The following SMOX variants were observed in gnomAD, a reference collection of about 807,000 sequenced individuals.
SMOX encodes the protein flavin containing amine oxidase.
A neutral mutation model predicts 51.0 loss-of-function variants in SMOX; 22 were observed. The observed-to-expected ratio is 0.43, with a 90% CI of 0.31 to 0.62. The LOEUF is 0.62. Ranked by LOEUF, SMOX falls within the 20% of genes least tolerant of loss-of-function variation. The pLI, the probability that SMOX is intolerant of heterozygous loss-of-function variation, is 0.10. For synonymous variants in SMOX, 282 were observed against 307.8 expected, an observed-to-expected ratio of 0.92 and a Z score of 0.88; for missense variants, 566 against 777.7, an observed-to-expected ratio of 0.73 and a Z score of 3.24.
In SMOX at chr20:4,183,474, C is replaced by G; in HGVS notation, c.1370-20C>G. ...CATTTCTTATCCTCCCTCCTCTTGG[C>G]TTTTCTGACTCTCCATCAGGGAACC... On this transcript the variant is annotated intron_variant, in intron 5 of 6. Coordinates refer to ENST00000305958, the MANE Select transcript of SMOX (RefSeq NM_175839.3). This position sits in a 1 kb window ranked among gnomAD's most constrained non-coding sequence, Gnocchi z 4.3. 3 of 1,614,158 alleles carry G rather than the reference C, an allele frequency of 1.9e-6. No homozygotes were observed. Among genetic ancestry groups the G allele is most frequent in the Non-Finnish European group, 2.5e-6 (3 of 1,180,020 alleles).
In SMOX at chr20:4,183,957, A is replaced by C. The variant is rs1229199200; in HGVS notation, c.1530+303A>C. On this transcript the variant is annotated intron_variant, in intron 6 of 6. Transcript: ENST00000305958. The surrounding 1 kb of genome is among the most constrained non-coding windows in gnomAD (Gnocchi z 4.3). ...CTTTCAATTTAAATTAATTTATTAA[A>C]AATTTAAATTAATACAGTATTTTTT... Among the ~76,000 whole-genome samples the C allele has an allele frequency of 6.6e-6, 1 of 152,106 alleles. No homozygotes were observed. The highest frequency in any genetic ancestry group is 2.4e-5 in the African/African-American group (1 of 41,410).
chr20:4,166,995 G>T lies in SMOX; in HGVS notation c.-26-8035G>T, dbSNP rs567668022. Among the ~76,000 whole-genome samples the T allele has an allele frequency of 6.6e-6, 1 of 152,344 alleles. No individual in the cohort carries two copies. Among genetic ancestry groups the T allele is most frequent in the Non-Finnish European group, 1.5e-5 (1 of 68,038 alleles). ...ATGATGGAGGCCTTCCCTGTTTTTGGCCTGTGAGGGCCAGGGGACATTGCT... is the reference window on the plus strand; with the variant it reads ...ATGATGGAGGCCTTCCCTGTTTTTGTCCTGTGAGGGCCAGGGGACATTGCT... On this transcript the variant is annotated intron_variant, in intron 1 of 6. Transcript: ENST00000305958. The surrounding 1 kb of genome is among the most constrained non-coding windows in gnomAD (Gnocchi z 4.2).
intron 1 of SMOX, among the ~76,000 whole-genome samples, chr20:4,157,621 C>T (rs1438155679): frequency 2.0e-5 from 3 of 152,030 alleles, no homozygotes; most frequent in Non-Finnish European, 4.4e-5. Flanking sequence ...TGGCAGCCCA[C>T]AGAAGGTTTT....
At position 4,182,331 on chromosome 20, in the gene SMOX, C is replaced by T. The variant is rs17220872; in HGVS notation, c.852C>T (p.Gly284=). Residue 284 remains glycine, a synonymous_variant, in exon 5 of 7, where the codon GGC becomes GGT. Coordinates refer to ENST00000305958, the MANE Select transcript of SMOX (RefSeq NM_175839.3). The surrounding 1 kb of genome is among the most constrained non-coding windows in gnomAD (Gnocchi z 8.4). ...RGPEIEPRGE[G]DHNHDTGEGG... ...CTGAGATTGAGCCCCGGGGTGAGGG[C>T]GACCACAATCACGACACTGGGGAGG... 0.054 allele frequency: 85,388 copies of T among 1,593,886 alleles called. 2,668 individuals carry two copies. Among genetic ancestry groups the T allele is most frequent in the Non-Finnish European group, 0.064 (74,455 of 1,166,958 alleles).
chr20:4,157,790 C>T (rs930000825), intron 1 of SMOX, among the ~76,000 whole-genome samples: 2 of 152,134 alleles, frequency 1.3e-5, no homozygotes, highest in Admixed American at 6.5e-5. Flanking sequence ...CTCAGACTCT[C>T]AGGGCAGTCA....
chr20:4,183,481 G>C lies in SMOX; in HGVS notation c.1370-13G>C. The C allele has an allele frequency of 6.2e-7, 1 of 1,614,068 alleles. No individual in the cohort carries two copies. The highest frequency in any genetic ancestry group is 8.5e-7 in the Non-Finnish European group (1 of 1,180,006). On this transcript the variant is annotated splice_polypyrimidine_tract_variant and intron_variant, in intron 5 of 6. Transcript: ENST00000305958. This position sits in a 1 kb window ranked among gnomAD's most constrained non-coding sequence, Gnocchi z 4.3. ...TATCCTCCCTCCTCTTGGCTTTTCT[G>C]ACTCTCCATCAGGGAACCCCAACAT... is the stretch of plus-strand genomic sequence containing the variant.
Position 4,177,569 on chromosome 20 carries a change from TACA to T in SMOX, c.430_432del (p.Asn144del). ...CGTGGTTGAGGAATTCAGCGATTTATACAACGAGGTAAGGTGTGAGCAGAGTAG... is the reference window on the plus strand; with the variant it reads ...CGTGGTTGAGGAATTCAGCGATTTATACGAGGTAAGGTGTGAGCAGAGTAG... On this transcript the variant is annotated inframe_deletion, in exon 3 of 7. Coordinates refer to ENST00000305958, the MANE Select transcript of SMOX (RefSeq NM_175839.3). The surrounding 1 kb of genome is among the most constrained non-coding windows in gnomAD (Gnocchi z 4.3). 1 of 1,585,406 alleles carries T rather than the reference TACA, an allele frequency of 6.3e-7. No homozygotes were observed. The highest frequency in any genetic ancestry group is 8.6e-7 in the Non-Finnish European group (1 of 1,164,518).
chr20:4,175,709 C>A (rs1978781501), intron 2 of SMOX, among the ~76,000 whole-genome samples: 1 of 152,110 alleles, frequency 6.6e-6, no homozygotes, highest in Non-Finnish European at 1.5e-5. Context: ...TTTGGGCCTC[C>A]ATGTGTGTGA....
At chr20:4,173,045 T>C (rs1337057534) in intron 1 of SMOX, among the ~76,000 whole-genome samples, 2 of 152,242 alleles carry the variant, frequency 1.3e-5, no homozygotes, top group Non-Finnish European at 2.9e-5. Context: ...TGGCAGCCTT[T>C]GACGGATTGA....
intron 6 of SMOX, among the ~76,000 whole-genome samples, chr20:4,185,467 G>T (rs1250959648): frequency 6.9e-6 from 1 of 145,740 alleles, no homozygotes; most frequent in Non-Finnish European, 1.5e-5. Context: ...AAATTAGCCA[G>T]GCATGGTGGT....
At chr20:4,158,144 C>G (rs867586502) in intron 1 of SMOX, among the ~76,000 whole-genome samples, 3 of 151,340 alleles carry the variant, frequency 2.0e-5, no homozygotes, top group East Asian at 3.9e-4. Context: ...TCGTGATCCG[C>G]CCGCCTTGGC....
intron 1 of SMOX, among the ~76,000 whole-genome samples, chr20:4,160,823 G>A (rs1986274820): frequency 6.6e-6 from 1 of 152,210 alleles, no homozygotes; most frequent in South Asian, 2.1e-4. Flanking sequence ...GGCTCAGACA[G>A]CTCTGACACT....
chr20:4,164,636 G>T (rs1986475851), intron 1 of SMOX, among the ~76,000 whole-genome samples: 1 of 152,236 alleles, frequency 6.6e-6, no homozygotes, highest in African/African-American at 2.4e-5. Context: ...GTGTGTGTGT[G>T]TAAGAGAAGT....
intron 1 of SMOX, among the ~76,000 whole-genome samples, chr20:4,168,705 C>T (rs913010067): frequency 6.6e-6 from 1 of 151,742 alleles, no homozygotes; most frequent in Non-Finnish European, 1.5e-5. Flanking sequence ...TACAGGCACC[C>T]GCCACCACGC....
At chr20:4,168,883 C>CTATTTTATTTTATTTTATTTTATTT (rs11467242) in intron 1 of SMOX, among the ~76,000 whole-genome samples, 9 of 128,570 alleles carry the variant, frequency 7.0e-5, no homozygotes, top group African/African-American at 2.6e-4. Context: ...AATTAATGCT[C>CTATTTTATTTTATTTTATTTTATTT]TATTTTATTT....
At position 4,178,081 on chromosome 20, in the gene SMOX, G is replaced by A. The variant is rs568507157; in HGVS notation, c.435+504G>A. 6.0e-4 allele frequency among the ~76,000 whole-genome samples: 91 copies of A among 152,288 alleles called. 1 individual carries two copies. Among genetic ancestry groups the A allele is most frequent in the African/African-American group, 1.2e-3 (49 of 41,558 alleles). ...TTTTGAGATGGAGTCTCGCTCTGTC[G>A]TCCAGGCTGGAGTGCAGTGGCGCGA... On this transcript the variant is annotated intron_variant, in intron 3 of 6. Transcript: ENST00000305958.
chr20:4,180,222 TTTC>T (rs1979220593), intron 3 of SMOX, among the ~76,000 whole-genome samples: 1 of 152,220 alleles, frequency 6.6e-6, no homozygotes. Flanking sequence ...TTTCCCTCAC[TTTC>T]TTCTTTATAA....
rs1979526652 is a variant in SMOX, at chr20:4,183,709, G to A, written c.1530+55G>A. On this transcript the variant is annotated intron_variant, in intron 6 of 6. Transcript: ENST00000305958. This position sits in a 1 kb window ranked among gnomAD's most constrained non-coding sequence, Gnocchi z 4.3. Reference sequence around the variant, plus strand: ...AGTTGTGGGTGTATTTTGTATGTGTGTCCGGTCCAGGGTGAGGAGGGCTAG... The same window carrying A: ...AGTTGTGGGTGTATTTTGTATGTGTATCCGGTCCAGGGTGAGGAGGGCTAG... 6.6e-7 allele frequency: 1 copy of A among 1,520,062 alleles called. No individual in the cohort carries two copies. The highest frequency in any genetic ancestry group is 8.8e-7 in the Non-Finnish European group (1 of 1,140,766). The allele number at this position is 1,520,062 out of a possible 1,614,324, so 94.2% of individuals were successfully genotyped here. A position where few individuals can be genotyped will look rare whatever the true frequency, so the allele number is the denominator to read the frequency against.
chr20:4,186,596 G>A (rs1979753515), intron 6 of SMOX: 1 of 625,770 alleles, frequency 1.6e-6, no homozygotes, highest in Non-Finnish European at 2.9e-6. Flanking sequence ...CCGAGAACCA[G>A]TTCAAAGGTC....
Sources: gnomAD v4.1 joint callset for allele counts (sites outside exome capture counted in the v4.1 genomes callset) on GRCh38, gnomAD v4.1.1 for gene constraint, Gnocchi (gnomAD v3.1) non-coding constraint, MANE v1.5 for transcripts, NCBI Gene and HGNC (gene_info 2026-07-23, HGNC 2026-07-21) for gene names.